The following ACVR2A variants were observed in gnomAD, a reference collection of about 807,000 sequenced individuals.
ACVR2A encodes the protein activin A receptor type 2A.
Under a neutral mutation model 61.4 loss-of-function variants are expected in ACVR2A, and 7 were observed. The observed-to-expected ratio is 0.11, with a 90% confidence interval of 0.06 to 0.21. ACVR2A has a LOEUF of 0.21. Among genes scored for constraint, ACVR2A ranks in the 10% least tolerant of loss-of-function variants. The pLI is 1.00. For synonymous variants in ACVR2A, 193 were observed against 208.3 expected (o/e 0.93, Z 0.63); for missense variants, 322 against 621.7 (o/e 0.52, Z 5.13).
At chr2:147,858,775 A>G (rs778349094) in intron 1 of ACVR2A, among the ~76,000 whole-genome samples, 1 of 152,226 alleles carries the variant, frequency 6.6e-6, no homozygotes, top group Non-Finnish European at 1.5e-5. Flanking sequence ...CTGTAACACA[A>G]AAGCAGTCAG....
At chr2:147,874,611 C>T (rs767965484) in intron 1 of ACVR2A, among the ~76,000 whole-genome samples, 2 of 151,870 alleles carry the variant, frequency 1.3e-5, no homozygotes, top group Non-Finnish European at 2.9e-5. Flanking sequence ...CTCAGTCAGT[C>T]TCTGAGAGTA....
chr2:147,885,624 T>C (rs1686411370), intron 1 of ACVR2A, among the ~76,000 whole-genome samples: 1 of 152,108 alleles, frequency 6.6e-6, no homozygotes, highest in Non-Finnish European at 1.5e-5. Context: ...ACATTTTCAA[T>C]GATGGTATTA....
At chr2:147,863,289 T>C (rs1685772061) in intron 1 of ACVR2A, among the ~76,000 whole-genome samples, 1 of 152,148 alleles carries the variant, frequency 6.6e-6, no homozygotes, top group African/African-American at 2.4e-5. Flanking sequence ...ACTTACCAAA[T>C]TGAAGTGAAT....
chr2:147,914,699 C>A (rs556653646), intron 4 of ACVR2A, among the ~76,000 whole-genome samples: 4 of 151,960 alleles, frequency 2.6e-5, no homozygotes, highest in African/African-American at 9.7e-5. Context: ...TTAAGAATGA[C>A]TGCCGGTATC....
chr2:147,858,467 A>G (rs943592243), intron 1 of ACVR2A, among the ~76,000 whole-genome samples: 1 of 152,182 alleles, frequency 6.6e-6, no homozygotes, highest in Admixed American at 6.6e-5. Context: ...ATATGGCCCC[A>G]TTCCATCCTT....
intron 8 of ACVR2A, among the ~76,000 whole-genome samples, chr2:147,920,876 C>G (rs940072269): frequency 1.3e-5 from 2 of 152,098 alleles, no homozygotes; most frequent in African/African-American, 2.4e-5. Flanking sequence ...TTAGGTAACT[C>G]TTCACACCTC....
chr2:147,858,674 C>T (rs967735679), intron 1 of ACVR2A, among the ~76,000 whole-genome samples: 1 of 152,142 alleles, frequency 6.6e-6, no homozygotes. Context: ...TGAATGCTTT[C>T]GAGCACTTAG....
intron 1 of ACVR2A, among the ~76,000 whole-genome samples, chr2:147,891,811 A>G (rs1686589692): frequency 1.3e-5 from 2 of 152,198 alleles, no homozygotes; most frequent in African/African-American, 4.8e-5. Context: ...CTGTTTTAAG[A>G]TAACAGTGGG....
At chr2:147,885,858 A>G (rs2105176653) in intron 1 of ACVR2A, among the ~76,000 whole-genome samples, 1 of 152,300 alleles carries the variant, frequency 6.6e-6, no homozygotes, top group South Asian at 2.1e-4. Flanking sequence ...TATGATGTAC[A>G]TGGAAAGGTT....
At chr2:147,872,141 A>T (rs904906292) in intron 1 of ACVR2A, among the ~76,000 whole-genome samples, 8 of 152,016 alleles carry the variant, frequency 5.3e-5, no homozygotes, top group Non-Finnish European at 1.0e-4. Context: ...AATTTTAATG[A>T]TTGATAGCTC....
At chr2:147,859,759 C>G (rs1685679350) in intron 1 of ACVR2A, among the ~76,000 whole-genome samples, 1 of 152,034 alleles carries the variant, frequency 6.6e-6, no homozygotes, top group Non-Finnish European at 1.5e-5. Context: ...TGATTTCTTG[C>G]TACAGTACGT....
At chr2:147,892,701 T>G (rs1445241765) in intron 1 of ACVR2A, among the ~76,000 whole-genome samples, 1 of 151,958 alleles carries the variant, frequency 6.6e-6, no homozygotes, top group Admixed American at 6.6e-5. Context: ...ACTGGATTAT[T>G]GTATCTGTTT....
intron 1 of ACVR2A, among the ~76,000 whole-genome samples, chr2:147,861,510 T>A (rs1216836511): frequency 6.6e-6 from 1 of 152,162 alleles, no homozygotes; most frequent in Non-Finnish European, 1.5e-5. Context: ...AGGTTGAGCA[T>A]GCCAGATCTG....
intron 1 of ACVR2A, among the ~76,000 whole-genome samples, chr2:147,864,239 G>GTT (rs1031721660): frequency 4.6e-5 from 7 of 151,514 alleles, no homozygotes. Flanking sequence ...ATAACTTTTT[G>GTT]TTTTTTTTGA....
At chr2:147,886,642 G>T (rs567717406) in intron 1 of ACVR2A, among the ~76,000 whole-genome samples, 3 of 152,274 alleles carry the variant, frequency 2.0e-5, no homozygotes, top group African/African-American at 7.2e-5. Flanking sequence ...CTGTTTCAAA[G>T]AGTAGAGGGA....
chr2:147,880,048 A>G (rs1428588502), intron 1 of ACVR2A, among the ~76,000 whole-genome samples: 1 of 152,162 alleles, frequency 6.6e-6, no homozygotes, highest in Non-Finnish European at 1.5e-5. Flanking sequence ...TTACTGATTA[A>G]GAGTGCTAGT....
At chr2:147,894,042 C>T (rs971525614) in intron 1 of ACVR2A, among the ~76,000 whole-genome samples, 4 of 151,982 alleles carry the variant, frequency 2.6e-5, no homozygotes, top group Admixed American at 2.6e-4. Flanking sequence ...TTGTATATGG[C>T]GTGATATATG....
At chr2:147,870,500 C>T (rs1166223390) in intron 1 of ACVR2A, among the ~76,000 whole-genome samples, 1 of 152,112 alleles carries the variant, frequency 6.6e-6, no homozygotes, top group Non-Finnish European at 1.5e-5. Context: ...ATTCTTTGGC[C>T]TGTCTAGTAC....
At chr2:147,908,136 A>G (rs1687032307) in intron 4 of ACVR2A, among the ~76,000 whole-genome samples, 2 of 152,060 alleles carry the variant, frequency 1.3e-5, no homozygotes, top group African/African-American at 4.8e-5. Flanking sequence ...CATAGTGACT[A>G]TATGTGGCCT....
Sources: gnomAD v4.1 joint callset for allele counts (sites outside exome capture counted in the v4.1 genomes callset) on GRCh38, gnomAD v4.1.1 for gene constraint, MANE v1.5 for transcripts, NCBI Gene and HGNC (gene_info 2026-07-23, HGNC 2026-07-21) for gene names.